The following PHF21A variants were observed in gnomAD, a reference collection of about 807,000 sequenced individuals.
PHF21A encodes PHD finger protein 21A.
In PHF21A, 11 loss-of-function variants were observed where a neutral mutation model predicts 82.5. The observed-to-expected ratio is 0.13, with a 90% CI of 0.08 to 0.22. The LOEUF is 0.22. PHF21A is among the 10% of genes least tolerant of loss of function. PHF21A has a pLI of 1.00. For synonymous variants in PHF21A, 297 were observed against 302.8 expected, an observed-to-expected ratio of 0.98 and a Z score of 0.20; for missense variants, 579 against 837.8, an observed-to-expected ratio of 0.69 and a Z score of 3.81.
chr11:45,971,004 G>C, intron 8 of PHF21A, 112 bp downstream of exon 8: 1 of 1,300,474 alleles, frequency 7.7e-7, no homozygotes, highest in South Asian at 1.5e-5. Flanking sequence ...TGGTATGCTA[G>C]AAGAATGATG....
intron 7 of PHF21A, among the ~76,000 whole-genome samples, chr11:45,976,523 C>T (rs2094029868): frequency 6.6e-6 from 1 of 152,120 alleles, no homozygotes; most frequent in South Asian, 2.1e-4. Flanking sequence ...CCAGAATCTA[C>T]CACATAGATT....
intron 10 of PHF21A, among the ~76,000 whole-genome samples, chr11:45,955,464 A>C (rs1041270709): frequency 3.3e-5 from 5 of 152,166 alleles, no homozygotes; most frequent in Admixed American, 1.3e-4. Flanking sequence ...GGGAGAAAAG[A>C]AGGTCAACTA....
At chr11:46,068,930 C>T (rs1252334363) in intron 6 of PHF21A, among the ~76,000 whole-genome samples, 2 of 152,106 alleles carry the variant, frequency 1.3e-5, no homozygotes, top group East Asian at 3.9e-4. Flanking sequence ...AATAATGTGG[C>T]ACGTTATTAA....
chr11:45,945,456 CAA>C (rs1054258894), intron 15 of PHF21A, among the ~76,000 whole-genome samples: 3 of 152,164 alleles, frequency 2.0e-5, no homozygotes, highest in Admixed American at 1.3e-4. Flanking sequence ...AAGCAGCAAA[CAA>C]GGGCTGCTGG....
At chr11:46,037,017 T>C (rs1382711304) in intron 6 of PHF21A, among the ~76,000 whole-genome samples, 1 of 152,146 alleles carries the variant, frequency 6.6e-6, no homozygotes, top group Admixed American at 6.5e-5. Flanking sequence ...GGCCAGTATT[T>C]TTCATTTTCT....
chr11:46,083,526 A>G (rs983352177), intron 4 of PHF21A: 1 of 152,364 alleles, frequency 6.6e-6, no homozygotes, highest in East Asian at 1.9e-4. Flanking sequence ...AAAGTAGTCA[A>G]TGCATCATCC....
At chr11:45,983,304 GAAAA>G (rs903799240) in intron 6 of PHF21A, among the ~76,000 whole-genome samples, 1 of 145,844 alleles carries the variant, frequency 6.9e-6, no homozygotes, top group Non-Finnish European at 1.5e-5. Flanking sequence ...TGAGAGGAGG[GAAAA>G]AAAAAAGGAA....
At chr11:46,073,367 T>C (rs915423397) in intron 6 of PHF21A, among the ~76,000 whole-genome samples, 32 of 151,564 alleles carry the variant, frequency 2.1e-4, no homozygotes, top group Non-Finnish European at 8.8e-5. Flanking sequence ...ATTAGAGTGG[T>C]TCATATATTT....
chr11:46,042,405 T>C (rs2096166646), intron 6 of PHF21A, among the ~76,000 whole-genome samples: 1 of 152,150 alleles, frequency 6.6e-6, no homozygotes, highest in African/African-American at 2.4e-5. Context: ...GGAAAGTTCA[T>C]CACCACTTGA....
chr11:45,969,801 A>G lies in PHF21A; in HGVS notation c.702+14T>C, dbSNP rs1353446008. The G allele has an allele frequency of 6.4e-7, 1 of 1,554,994 alleles. No individual in the cohort carries two copies. The highest frequency in any genetic ancestry group is 1.1e-5 in the South Asian group (1 of 89,748). On this transcript the variant is annotated intron_variant, in intron 9 of 18. Coordinates refer to ENST00000676320, the MANE Select transcript of PHF21A (RefSeq NM_001352027.3). ...CATCTAACCTATCATTGAGCTTGTC[A>G]TTGGTTTACTCACCTGTGGAAGAAA...
chr11:45,938,380 T>G (rs943230842), intron 15 of PHF21A, 68 bp from the exon 16 acceptor site: 5 of 1,254,578 alleles, frequency 4.0e-6, no homozygotes, highest in Non-Finnish European at 5.7e-6. Flanking sequence ...AACATGCACA[T>G]TCTAGATGCA....
At chr11:46,117,244 A>T (rs183221783) in intron 1 of PHF21A, 1 of 152,336 alleles carries the variant, frequency 6.6e-6, no homozygotes, top group East Asian at 1.9e-4. Flanking sequence ...AGCATCCCCA[A>T]ATTTTTAAAA....
intron 6 of PHF21A, among the ~76,000 whole-genome samples, chr11:46,022,913 GGTAATTTTT>G (rs1239306266): frequency 6.6e-6 from 1 of 151,862 alleles, no homozygotes; most frequent in East Asian, 1.9e-4. Context: ...ACCACACTTG[GGTAATTTTT>G]GTATTTTTAG....
intron 6 of PHF21A, among the ~76,000 whole-genome samples, chr11:46,030,269 T>C (rs1043749972): frequency 6.6e-6 from 1 of 152,200 alleles, no homozygotes; most frequent in Non-Finnish European, 1.5e-5. Context: ...TTTAAAAGGG[T>C]GTCAAGACAA....
intron 6 of PHF21A, among the ~76,000 whole-genome samples, chr11:46,066,633 A>G (rs970556266): frequency 6.6e-6 from 1 of 152,226 alleles, no homozygotes; most frequent in Non-Finnish European, 1.5e-5. Flanking sequence ...CAGGAGTTCA[A>G]GACTCCAGCG....
At chr11:46,023,068 A>G (rs1287108787) in intron 6 of PHF21A, among the ~76,000 whole-genome samples, 2 of 152,168 alleles carry the variant, frequency 1.3e-5, no homozygotes, top group Non-Finnish European at 2.9e-5. Flanking sequence ...TTTCTATTAT[A>G]GTATATTTAG....
At chr11:45,984,872 C>T (rs1299599552) in intron 6 of PHF21A, among the ~76,000 whole-genome samples, 1 of 152,188 alleles carries the variant, frequency 6.6e-6, no homozygotes, top group Non-Finnish European at 1.5e-5. Context: ...GAGGGCCACA[C>T]CCACTCAAGA....
At chr11:46,025,982 C>A (rs2095737306) in intron 6 of PHF21A, among the ~76,000 whole-genome samples, 2 of 152,160 alleles carry the variant, frequency 1.3e-5, no homozygotes. Context: ...CTATTATCTC[C>A]AGACTTTATG....
chr11:45,980,256 C>T (rs1405070490), intron 6 of PHF21A, among the ~76,000 whole-genome samples: 1 of 152,156 alleles, frequency 6.6e-6, no homozygotes, highest in East Asian at 1.9e-4. Flanking sequence ...ATTAACTTAG[C>T]ATGCTGAGAG....
Sources: gnomAD v4.1 joint callset for allele counts (sites outside exome capture counted in the v4.1 genomes callset) on GRCh38, gnomAD v4.1.1 for gene constraint, MANE v1.5 for transcripts, NCBI Gene and HGNC (gene_info 2026-07-23, HGNC 2026-07-21) for gene names.